BTBD7: variants seen among roughly 807,000 people sequenced by gnomAD.
BTBD7 encodes the protein BTB domain containing 7.
Under a neutral mutation model 99.9 loss-of-function variants are expected in BTBD7, and 38 were observed. That is an observed-to-expected ratio of 0.38 (90% CI 0.29 to 0.50). The LOEUF (loss-of-function observed/expected upper bound fraction) is 0.50. BTBD7 is among the 20% of genes least tolerant of loss of function. BTBD7 has a pLI of 0.93. For synonymous variants in BTBD7, 520 were observed against 511.4 expected (o/e 1.02, Z -0.23); for missense variants, 1,170 against 1,394.6 (o/e 0.84, Z 2.57).
intron 7 of BTBD7, among the ~76,000 whole-genome samples, chr14:93,251,988 A>T (rs1481400980): frequency 6.6e-6 from 1 of 152,184 alleles, no homozygotes; most frequent in Non-Finnish European, 1.5e-5. Flanking sequence ...CAAATCCAAC[A>T]AAGTGCTCAA....
chr14:93,320,826 G>A (rs1438753040), intron 1 of BTBD7, among the ~76,000 whole-genome samples: 1 of 152,036 alleles, frequency 6.6e-6, no homozygotes. Flanking sequence ...TTACACCTCT[G>A]TAATTTGTTA....
chr14:93,250,507 G>A (rs2052357984), intron 8 of BTBD7, among the ~76,000 whole-genome samples: 1 of 152,194 alleles, frequency 6.6e-6, no homozygotes, highest in Non-Finnish European at 1.5e-5. Flanking sequence ...TAAAATATAT[G>A]TATTCAATTA....
In BTBD7 at chr14:93,242,911, G is replaced by A. The variant is rs748789467; in HGVS notation, c.2761C>T (p.His921Tyr). 6.2e-7 allele frequency: 1 copy of A among 1,614,156 alleles called. No homozygotes were observed. The highest frequency in any genetic ancestry group is 1.1e-5 in the South Asian group (1 of 91,076). The change falls in exon 11 of 11, where the codon CAC becomes TAC. Residue 921 changes from histidine (H) to tyrosine (Y), a missense_variant. Physicochemically the swap from His to Tyr is moderately conservative, Grantham distance 83 (BLOSUM62 2). Transcript: ENST00000334746. ...HLSCIPQRHT[H>Y]TSRKKHTLEQ... ...AGTGTGTGTTTTTTCCGAGAAGTGT[G>A]TGTATGTCTCTGTGGAATACACGAC...
At chr14:93,311,130 A>T (rs2053132929) in intron 1 of BTBD7, among the ~76,000 whole-genome samples, 1 of 152,210 alleles carries the variant, frequency 6.6e-6, no homozygotes, top group Non-Finnish European at 1.5e-5. Flanking sequence ...AGTGAGTTTT[A>T]AAAAGTTATG....
At chr14:93,266,957 T>C (rs7153772) in intron 3 of BTBD7, among the ~76,000 whole-genome samples, 2,133 of 152,300 alleles carry the variant, frequency 0.014, 25 homozygotes, top group Middle Eastern at 0.031. Context: ...GAGCCTTGAA[T>C]ACCAAGCTGA....
chr14:93,292,543 G>T (rs559155573), intron 3 of BTBD7, among the ~76,000 whole-genome samples: 89 of 152,174 alleles, frequency 5.8e-4, no homozygotes, highest in Middle Eastern at 3.4e-3. Flanking sequence ...AAAGGATTAT[G>T]GTAAAGTAAG....
chr14:93,257,324 A>G lies in BTBD7; in HGVS notation c.1479T>C (p.Ser493=). ...EPNLLSGTAH[S]VNKRGVKRRD... ...GTCTTTTTACACCTCTTTTGTTCACACTATGGGCAGTGCCACTCAGTAAGT... is the reference window on the plus strand; with the variant it reads ...GTCTTTTTACACCTCTTTTGTTCACGCTATGGGCAGTGCCACTCAGTAAGT... The change falls in exon 6 of 11, where the codon AGT becomes AGC. Residue 493 remains serine, a synonymous_variant. Coordinates refer to ENST00000334746, the MANE Select transcript of BTBD7 (RefSeq NM_001002860.4). 1 of 1,613,162 alleles carries G rather than the reference A, an allele frequency of 6.2e-7. No homozygotes were observed. Among genetic ancestry groups the G allele is most frequent in the Non-Finnish European group, 8.5e-7 (1 of 1,179,714 alleles).
chr14:93,265,547 G>C (rs1328009665), intron 3 of BTBD7, among the ~76,000 whole-genome samples: 2 of 152,240 alleles, frequency 1.3e-5, no homozygotes, highest in African/African-American at 2.4e-5. Flanking sequence ...GGGATGACAG[G>C]ACAGTGGTTA....
intron 2 of BTBD7, among the ~76,000 whole-genome samples, 154 bp downstream of exon 2, chr14:93,295,816 C>T (rs2273639): frequency 0.37 from 56,448 of 151,964 alleles, 11,323 homozygotes; most frequent in African/African-American, 0.53. Flanking sequence ...ACAAACCAGA[C>T]TTAAGATTTA....
In BTBD7 at chr14:93,245,933, A is replaced by G. The variant is rs1353430752; in HGVS notation, c.2475T>C (p.Pro825=). 1.9e-6 allele frequency: 3 copies of G among 1,613,984 alleles called. No homozygotes were observed. The highest frequency in any genetic ancestry group is 2.5e-6 in the Non-Finnish European group (3 of 1,180,034). ...VYLPSVKAAP[P]DCTSTAGLGR... is the part of the protein sequence containing the mutation. ...CCAGTCCTGCAGTGCTGGTACAATC[A>G]GGCGGTGCAGCTTTCACACTCGGCA... is the stretch of plus-strand genomic sequence containing the variant. The change falls in exon 10 of 11, where the codon CCT becomes CCC. Residue 825 remains proline, a synonymous_variant. Transcript: ENST00000334746.
intron 3 of BTBD7, among the ~76,000 whole-genome samples, chr14:93,283,036 T>G (rs1256182672): frequency 6.6e-6 from 1 of 152,232 alleles, no homozygotes; most frequent in Admixed American, 6.5e-5. Flanking sequence ...AAGGTTTTGC[T>G]TGCTGAGAAA....
At chr14:93,260,453 AAGCCC>A (rs1158526055) in intron 5 of BTBD7, among the ~76,000 whole-genome samples, 1 of 152,260 alleles carries the variant, frequency 6.6e-6, no homozygotes, top group Non-Finnish European at 1.5e-5. Flanking sequence ...CCAAAGTTGA[AAGCCC>A]AGCCTCCAAC....
At chr14:93,326,456 C>G (rs1016265715) in intron 1 of BTBD7, among the ~76,000 whole-genome samples, 23 of 151,944 alleles carry the variant, frequency 1.5e-4, no homozygotes, top group African/African-American at 5.3e-4. Flanking sequence ...AGCAAAAAGC[C>G]TCCTTCTGAA....
At chr14:93,251,966 T>C (rs1466829545) in intron 7 of BTBD7, among the ~76,000 whole-genome samples, 9 of 152,276 alleles carry the variant, frequency 5.9e-5, no homozygotes, top group Admixed American at 4.6e-4. Context: ...AATGTATACA[T>C]GTGCTAAATA....
Position 93,248,605 on chromosome 14 carries a change from C to T in BTBD7, c.1992G>A (p.Leu664=). 1 of 1,613,688 alleles carries T rather than the reference C, an allele frequency of 6.2e-7. No homozygotes were observed. Among genetic ancestry groups the T allele is most frequent in the Non-Finnish European group, 8.5e-7 (1 of 1,179,954 alleles). ...MKDMVRRLQE[L]RHTEQVQRAY... ...CCCTCTGCACCTGCTCCGTGTGCCG[C>T]AGTTCCTGCAGTCGTCTGACCATGT... Residue 664 remains leucine (L), a synonymous_variant, in exon 9 of 11, where the codon CTG becomes CTA. Coordinates refer to ENST00000334746, the MANE Select transcript of BTBD7 (RefSeq NM_001002860.4).
intron 1 of BTBD7, among the ~76,000 whole-genome samples, chr14:93,330,257 T>C (rs1484308720): frequency 6.6e-6 from 1 of 152,202 alleles, no homozygotes; most frequent in Non-Finnish European, 1.5e-5. Context: ...ACAAATAGCT[T>C]TCCAACTGAC....
In BTBD7 at chr14:93,257,283, T is replaced by C. The variant is rs1490132226; in HGVS notation, c.1520A>G (p.Glu507Gly). The change falls in exon 6 of 11, where the codon GAA (glutamate) becomes GGA (glycine). Residue 507 changes from glutamate to glycine, a missense_variant. This residue lies in a region of BTBD7 where 309 missense variants were observed against 342.0 expected (regional missense o/e 0.90). Transcript: ENST00000334746. ...AGAAGAAAGGATCTCTCTGAGCTCT[T>C]CCATGTCCAGGTCCCGTCTTTTTAC... is the stretch of plus-strand genomic sequence containing the variant. The part of the protein sequence containing the change: ...RGVKRRDLDM[E>G]ELREILSSLL... 1 of 1,614,046 alleles carries C rather than the reference T, an allele frequency of 6.2e-7. No individual in the cohort carries two copies. The highest frequency in any genetic ancestry group is 1.3e-5 in the African/African-American group (1 of 74,940).
At chr14:93,315,171 CAATTT>C (rs1387508656) in intron 1 of BTBD7, among the ~76,000 whole-genome samples, 2 of 152,098 alleles carry the variant, frequency 1.3e-5, no homozygotes, top group African/African-American at 4.8e-5. Flanking sequence ...AAAGTGCTTT[CAATTT>C]GTGTTGTAAT....
chr14:93,274,519 T>G (rs2052634447), intron 3 of BTBD7, among the ~76,000 whole-genome samples: 1 of 152,182 alleles, frequency 6.6e-6, no homozygotes, highest in African/African-American at 2.4e-5. Flanking sequence ...AAATGTCCCC[T>G]CTTTCTTCCC....
Sources: gnomAD v4.1 joint callset for allele counts (sites outside exome capture counted in the v4.1 genomes callset) on GRCh38, gnomAD v4.1.1 for gene constraint, gnomAD v4.1.1 regional missense constraint, MANE v1.5 for transcripts, NCBI Gene and HGNC (gene_info 2026-07-23, HGNC 2026-07-21) for gene names.